The following GNG7 variants were observed in gnomAD, a reference collection of about 807,000 sequenced individuals.
GNG7 encodes guanine nucleotide-binding protein G(I)/G(S)/G(O) subunit gamma-7.
A neutral mutation model predicts 4.0 loss-of-function variants in GNG7; 1 was observed. That is an observed-to-expected ratio of 0.25 (90% CI 0.09 to 1.18). The LOEUF (loss-of-function observed/expected upper bound fraction) is 1.18, where lower values mean the gene tolerates loss of function less well. Ranked by LOEUF, GNG7 falls within the 50% of genes most tolerant of loss-of-function variation. GNG7 has a pLI of 0.50. For missense variants in GNG7, 86 were observed against 91.9 expected (o/e 0.94, Z 0.26); for synonymous variants, 34 against 36.9 (o/e 0.92, Z 0.29).
chr19:2,525,235 G>C lies in GNG7; in HGVS notation c.-37-4510C>G, dbSNP rs539258302. ...GGAGGGGCGGGAGCAGGCAGCTCCG[G>C]GGGCAGGGCCAGGTGGTCAAAGGTG... is the stretch of plus-strand genomic sequence containing the variant. On this transcript the variant is annotated intron_variant, in intron 3 of 4. Coordinates refer to ENST00000382159, the MANE Select transcript of GNG7 (RefSeq NM_052847.3). Among the ~76,000 whole-genome samples the C allele has an allele frequency of 1.8e-3, 267 of 152,332 alleles. 3 individuals are homozygous for C. Among genetic ancestry groups the C allele is most frequent in the African/African-American group, 6.0e-3 (250 of 41,578 alleles).
chr19:2,538,695 C>T (rs1383108275), intron 3 of GNG7: 1 of 462,184 alleles, frequency 2.2e-6, no homozygotes. Flanking sequence ...CTAACAGCTC[C>T]ACTGAGATTC....
intron 2 of GNG7, among the ~76,000 whole-genome samples, chr19:2,628,815 T>C (rs1196616463): frequency 6.6e-6 from 1 of 152,160 alleles, no homozygotes; most frequent in Non-Finnish European, 1.5e-5. Context: ...TCCTTTTTGA[T>C]GAGCTCAGGT....
chr19:2,573,061 C>T (rs4807301), intron 2 of GNG7, among the ~76,000 whole-genome samples: 64,206 of 145,240 alleles, frequency 0.44, 17,770 homozygotes, highest in African/African-American at 0.8. Flanking sequence ...AGTCTTGCCC[C>T]GTCGCCTAGG....
chr19:2,596,313 C>A (rs1030117569), intron 2 of GNG7, among the ~76,000 whole-genome samples: 1 of 151,958 alleles, frequency 6.6e-6, no homozygotes, highest in African/African-American at 2.4e-5. Flanking sequence ...GAGCTGAGAT[C>A]GTGCCTCTGC....
chr19:2,552,098 G>A (rs564503354), intron 3 of GNG7, among the ~76,000 whole-genome samples: 3 of 152,232 alleles, frequency 2.0e-5, no homozygotes, highest in African/African-American at 7.2e-5. Flanking sequence ...ATTGTGAACT[G>A]TGCATGTAAG....
Position 2,557,163 on chromosome 19 carries a change from C to A in GNG7, c.-77-1975G>T, listed in dbSNP as rs1255386393. 6.6e-6 allele frequency among the ~76,000 whole-genome samples: 1 copy of A among 151,836 alleles called. No individual in the cohort carries two copies. Among genetic ancestry groups the A allele is most frequent in the African/African-American group, 2.4e-5 (1 of 41,306 alleles). The stretch of plus-strand genomic sequence containing the variant: ...ACTCACGCACATGCACACAAAGACA[C>A]GCGCACACACGTACACACAAGACAC... On this transcript the variant is annotated intron_variant, in intron 2 of 4. Transcript: ENST00000382159. The surrounding 1 kb of genome is among the most constrained non-coding windows in gnomAD (Gnocchi z 5.1).
chr19:2,683,782 GGGCTGACC>G (rs1461743959), intron 1 of GNG7: 3 of 152,312 alleles, frequency 2.0e-5, no homozygotes, highest in African/African-American at 7.2e-5. Context: ...AACCTGCCTG[GGGCTGACC>G]GGCTCTTGCA....
chr19:2,694,418 G>A (rs987126675), intron 1 of GNG7, among the ~76,000 whole-genome samples: 1 of 152,054 alleles, frequency 6.6e-6, no homozygotes, highest in Admixed American at 6.6e-5. Context: ...GATGCTCCTG[G>A]CGTGGAGTGG....
At chr19:2,675,610 A>G (rs903821196) in intron 1 of GNG7, among the ~76,000 whole-genome samples, 1 of 152,196 alleles carries the variant, frequency 6.6e-6, no homozygotes, top group Non-Finnish European at 1.5e-5. Context: ...CTGCTGGGGG[A>G]AATATTTCCC....
chr19:2,551,622 T>A (rs995607377), intron 3 of GNG7, among the ~76,000 whole-genome samples: 1 of 147,442 alleles, frequency 6.8e-6, no homozygotes, highest in Non-Finnish European at 1.5e-5. Flanking sequence ...TATATATTTA[T>A]AAATATATAA....
intron 2 of GNG7, among the ~76,000 whole-genome samples, chr19:2,558,659 CCTT>C (rs1475303132): frequency 2.6e-5 from 4 of 152,186 alleles, no homozygotes; most frequent in Admixed American, 6.5e-5. Context: ...ATTTTCCTCT[CCTT>C]ATGTGATTCT....
intron 3 of GNG7, among the ~76,000 whole-genome samples, chr19:2,532,131 A>AG (rs1283794524): frequency 6.7e-6 from 1 of 148,974 alleles, no homozygotes; most frequent in African/African-American, 2.5e-5. Context: ...AGCCTGGGCA[A>AG]AAGAACGAGA....
chr19:2,650,863 C>T (rs1051499703), intron 1 of GNG7, among the ~76,000 whole-genome samples: 5 of 152,222 alleles, frequency 3.3e-5, no homozygotes, highest in East Asian at 1.9e-4. Flanking sequence ...GAGACCTCTC[C>T]GCGGGGGTTA....
rs1982890447 is a variant in GNG7, at chr19:2,653,759, T to A, written c.-134-7479A>T. Among the ~76,000 whole-genome samples, 3 of 152,166 alleles carry A rather than the reference T, an allele frequency of 2.0e-5. No individual in the cohort carries two copies. The highest frequency in any genetic ancestry group is 1.3e-4 in the Admixed American group (2 of 15,272). On this transcript the variant is annotated intron_variant, in intron 1 of 4. Coordinates refer to ENST00000382159, the MANE Select transcript of GNG7 (RefSeq NM_052847.3). The surrounding 1 kb of genome is among the most constrained non-coding windows in gnomAD (Gnocchi z 4.8). ...CTGGCCTCCCCTGTCCTCATCCTTA[T>A]GGGATCTTCAGATGGTGCCCTTGAG...
Position 2,616,081 on chromosome 19 carries a change from A to C in GNG7, c.-78+30143T>G, listed in dbSNP as rs144268888. Among the ~76,000 whole-genome samples, 90 of 152,260 alleles carry C rather than the reference A, an allele frequency of 5.9e-4. 1 individual carries two copies. In the East Asian group the frequency reaches 0.017, roughly 28 times the overall value. On this transcript the variant is annotated intron_variant, in intron 2 of 4. Coordinates refer to ENST00000382159, the MANE Select transcript of GNG7 (RefSeq NM_052847.3). ...CAGTAGCCAGTGGCCCACTGATGTCACCAAGCTGCAGGGCTGCCCAGCATT... is the reference window on the plus strand; with the variant it reads ...CAGTAGCCAGTGGCCCACTGATGTCCCCAAGCTGCAGGGCTGCCCAGCATT...
chr19:2,560,757 GA>G (rs1351575908), intron 2 of GNG7, among the ~76,000 whole-genome samples: 2 of 152,010 alleles, frequency 1.3e-5, no homozygotes, highest in Non-Finnish European at 2.9e-5. Flanking sequence ...AGGAGTTCGA[GA>G]CCAGCCTGAC....
At chr19:2,678,634 G>A (rs2144896496) in intron 1 of GNG7, among the ~76,000 whole-genome samples, 1 of 152,176 alleles carries the variant, frequency 6.6e-6, no homozygotes, top group Non-Finnish European at 1.5e-5. Context: ...ACAGGGAGAA[G>A]AATCAGATAA....
At chr19:2,520,572 C>T (rs1468078936) in intron 4 of GNG7, 36 bp downstream of exon 4, 13 of 1,272,770 alleles carry the variant, frequency 1.0e-5, no homozygotes, top group Non-Finnish European at 1.2e-5. Flanking sequence ...CCCCAAGGGT[C>T]TCTCCCCTCC....
chr19:2,551,223 A>G (rs756291444), intron 3 of GNG7, among the ~76,000 whole-genome samples: 6 of 152,212 alleles, frequency 3.9e-5, no homozygotes, highest in Non-Finnish European at 7.3e-5. Context: ...CCTCCAGCAA[A>G]GGAGGTCTGG....
Sources: allele counts gnomAD v4.1 joint callset (sites outside exome capture counted in the v4.1 genomes callset), GRCh38; gene constraint gnomAD v4.1.1; non-coding constraint Gnocchi (gnomAD v3.1); transcripts MANE v1.5; gene names NCBI Gene and HGNC (gene_info 2026-07-23, HGNC 2026-07-21).